Variants in DPP4 observed in about 807,000 individuals in gnomAD.
DPP4 encodes dipeptidyl peptidase 4.
DPP4 carries 93 observed loss-of-function variants against 122.4 expected under a neutral mutation model. The ratio of observed to expected loss-of-function variants is 0.76; its 90% confidence interval spans 0.64 to 0.90. DPP4 has a LOEUF of 0.90. Ranked by LOEUF, DPP4 falls within the 40% of genes least tolerant of loss-of-function variation. The pLI, the probability that DPP4 is intolerant of heterozygous loss-of-function variation, is 0.00. For missense variants in DPP4, 914 were observed against 907.3 expected (o/e 1.01, Z -0.09); for synonymous variants, 321 against 302.9 (o/e 1.06, Z -0.62).
chr2:162,010,934 G>C (rs985727397), intron 20 of DPP4, among the ~76,000 whole-genome samples: 5 of 152,002 alleles, frequency 3.3e-5, no homozygotes, highest in African/African-American at 9.7e-5. Context: ...CATCCATGCT[G>C]TTGGTTACAG....
At chr2:162,044,050 A>G (rs1318500897) in intron 5 of DPP4, among the ~76,000 whole-genome samples, 2 of 152,136 alleles carry the variant, frequency 1.3e-5, no homozygotes, top group African/African-American at 2.4e-5. Context: ...AAAGATACTG[A>G]TTCTGGCTTT....
At chr2:162,006,108 G>A (rs1701277250) in intron 22 of DPP4, among the ~76,000 whole-genome samples, 1 of 152,156 alleles carries the variant, frequency 6.6e-6, no homozygotes, top group Non-Finnish European at 1.5e-5. Flanking sequence ...TTACGATGGG[G>A]CAAAGGGAGA....
chr2:162,017,678 A>C (rs555601392), intron 16 of DPP4: 4 of 152,850 alleles, frequency 2.6e-5, no homozygotes, highest in Admixed American at 6.5e-5. Flanking sequence ...TCTGGCATGC[A>C]AAAGTGTTTT....
chr2:162,073,900 CT>C, intron 1 of DPP4, 75 bp downstream of exon 1: 1 of 1,588,782 alleles, frequency 6.3e-7, no homozygotes, highest in African/African-American at 1.3e-5. Flanking sequence ...GTTTCGCCAG[CT>C]TTTGGGCCAT....
chr2:162,005,597 G>T, intron 23 of DPP4, 148 bp downstream of exon 23: 1 of 638,116 alleles, frequency 1.6e-6, no homozygotes, highest in Non-Finnish European at 2.7e-6. Context: ...GAAGCTATTG[G>T]AGTATCTCTA....
At chr2:162,068,384 C>T (rs1685015120) in intron 2 of DPP4, among the ~76,000 whole-genome samples, 1 of 152,202 alleles carries the variant, frequency 6.6e-6, no homozygotes, top group African/African-American at 2.4e-5. Context: ...TGTAGAGTCA[C>T]ATTGCCTGAG....
At chr2:162,017,255 T>C (rs2106096872) in intron 16 of DPP4, 100 bp from the exon 17 acceptor site, 1 of 930,482 alleles carries the variant, frequency 1.1e-6, no homozygotes, top group East Asian at 2.6e-5. Flanking sequence ...CATTTAACTT[T>C]GATAGAATAT....
intron 5 of DPP4, among the ~76,000 whole-genome samples, chr2:162,043,582 G>A (rs1196093474): frequency 2.0e-5 from 3 of 152,116 alleles, no homozygotes; most frequent in Non-Finnish European, 4.4e-5. Context: ...CACATCAAAT[G>A]GCTTTTGTTG....
intron 10 of DPP4, among the ~76,000 whole-genome samples, chr2:162,030,025 C>T (rs756734103): frequency 6.6e-6 from 1 of 152,178 alleles, no homozygotes; most frequent in African/African-American, 2.4e-5. Context: ...TATGCTATGT[C>T]GCAGGCACCC....
chr2:162,014,354 G>T lies in DPP4; in HGVS notation c.1637+42C>A. The stretch of plus-strand genomic sequence containing the variant: ...AAGCTGCACTGAGAAAAATATATAT[G>T]ACTCAATACTTCTAAATTGCTCCCT... On this transcript the variant is annotated intron_variant, in intron 19 of 25. Coordinates refer to ENST00000360534, the MANE Select transcript of DPP4 (RefSeq NM_001935.4). 3 of 1,509,296 alleles carry T rather than the reference G, an allele frequency of 2.0e-6. No homozygotes were observed. In the South Asian group the frequency reaches 3.5e-5, roughly 18 times the overall value. The allele number at this position is 1,509,296 out of a possible 1,614,324, so 93.5% of individuals were successfully genotyped here.
intron 8 of DPP4, among the ~76,000 whole-genome samples, chr2:162,037,352 C>A (rs1272544979): frequency 6.6e-6 from 1 of 152,140 alleles, no homozygotes; most frequent in African/African-American, 2.4e-5. Context: ...GTTAAAGAAT[C>A]TCTAAGTAGC....
chr2:162,001,333 G>C (rs946187456), intron 23 of DPP4, among the ~76,000 whole-genome samples: 4 of 152,066 alleles, frequency 2.6e-5, no homozygotes, highest in Non-Finnish European at 4.4e-5. Flanking sequence ...TCTGGCTAGG[G>C]AGCAGAGAAG....
chr2:162,000,829 C>A (rs1701128376), intron 23 of DPP4, among the ~76,000 whole-genome samples: 1 of 152,184 alleles, frequency 6.6e-6, no homozygotes, highest in Non-Finnish European at 1.5e-5. Context: ...TTCTCTTGCC[C>A]TTGATCTGAT....
At chr2:162,028,796 G>A (rs1358008142) in intron 10 of DPP4, among the ~76,000 whole-genome samples, 1 of 152,198 alleles carries the variant, frequency 6.6e-6, no homozygotes, top group Non-Finnish European at 1.5e-5. Flanking sequence ...CACCCTATGA[G>A]GTGAGTACTG....
At chr2:162,027,487 A>G (rs1165823995) in intron 10 of DPP4, among the ~76,000 whole-genome samples, 1 of 152,078 alleles carries the variant, frequency 6.6e-6, no homozygotes, top group East Asian at 1.9e-4. Context: ...GCCAAAAACC[A>G]TTTGGACAAT....
At chr2:162,014,511 G>T (rs1682842352) in intron 18 of DPP4, 46 bp from the exon 19 acceptor site, 1 of 1,437,970 alleles carries the variant, frequency 7.0e-7, no homozygotes, top group East Asian at 2.3e-5. Context: ...AAAATTATTA[G>T]CACAAGATTT....
intron 22 of DPP4, among the ~76,000 whole-genome samples, chr2:162,007,792 G>T (rs1372640371): frequency 6.6e-6 from 1 of 151,980 alleles, no homozygotes; most frequent in East Asian, 1.9e-4. Context: ...TTTTACATTG[G>T]TTTATCTTGA....
chr2:162,070,977 C>T (rs1323647117), intron 2 of DPP4, among the ~76,000 whole-genome samples: 2 of 152,076 alleles, frequency 1.3e-5, no homozygotes, highest in Non-Finnish European at 2.9e-5. Context: ...AACCGGTTAC[C>T]GAAGTCCAGT....
At chr2:162,035,972 G>A (rs1377923525) in intron 8 of DPP4, among the ~76,000 whole-genome samples, 1 of 152,108 alleles carries the variant, frequency 6.6e-6, no homozygotes, top group Non-Finnish European at 1.5e-5. Flanking sequence ...GGTCAAAGAG[G>A]GAGGCAAATA....
Sources: allele counts gnomAD v4.1 joint callset (sites outside exome capture counted in the v4.1 genomes callset), GRCh38; gene constraint gnomAD v4.1.1; transcripts MANE v1.5; gene names NCBI Gene and HGNC (gene_info 2026-07-23, HGNC 2026-07-21).